The following DAGLA variants were observed in gnomAD, a reference collection of about 807,000 sequenced individuals.
The protein encoded by DAGLA is diacylglycerol lipase alpha, also known as diacylglycerol lipase-alpha.
A neutral mutation model predicts 102.6 loss-of-function variants in DAGLA; 22 were observed. The ratio of observed to expected loss-of-function variants is 0.21; its 90% confidence interval spans 0.15 to 0.31. The LOEUF is 0.31. DAGLA is among the 10% of genes least tolerant of loss of function. DAGLA has a pLI of 1.00. For missense variants in DAGLA, 927 were observed against 1,446.6 expected (o/e 0.64, Z 5.83); for synonymous variants, 578 against 628.9 (o/e 0.92, Z 1.21).
chr11:61,721,006 A>G, intron 3 of DAGLA, 116 bp downstream of exon 3: 1 of 971,944 alleles, frequency 1.0e-6, no homozygotes, highest in Non-Finnish European at 1.5e-6. Flanking sequence ...ACTGGGGTAC[A>G]GCAGTGAACT....
chr11:61,733,542 A>G (rs901062078), intron 9 of DAGLA, among the ~76,000 whole-genome samples: 2 of 152,248 alleles, frequency 1.3e-5, no homozygotes, highest in Admixed American at 6.5e-5. Context: ...ATCCCGTGAC[A>G]GCTGGCAGGC....
At chr11:61,680,605 G>T in intron 1 of DAGLA, 101 bp downstream of exon 1, 1 of 150,468 alleles carries the variant, frequency 6.6e-6, no homozygotes, top group South Asian at 1.8e-4. Flanking sequence ...TGGCCGGCCC[G>T]ACGGGTCGGC....
chr11:61,694,651 C>T lies in DAGLA; in HGVS notation c.-45+14147C>T, dbSNP rs141215306. 2.8e-3 allele frequency among the ~76,000 whole-genome samples: 425 copies of T among 152,324 alleles called. 3 individuals carry two copies. Among genetic ancestry groups the T allele is most frequent in the African/African-American group, 9.5e-3 (393 of 41,566 alleles). ...GGCTTTGTGTCTGATACCCCATTTC[C>T]GGCAGCCCTGAATCTGTGGCCCTTT... On this transcript the variant is annotated intron_variant, in intron 1 of 19. Transcript: ENST00000257215.
intron 1 of DAGLA, among the ~76,000 whole-genome samples, chr11:61,681,648 G>A (rs544635130): frequency 6.6e-6 from 1 of 152,180 alleles, no homozygotes; most frequent in South Asian, 2.1e-4. Flanking sequence ...GGATTGGATC[G>A]ATTGGGGTAT....
intron 1 of DAGLA, among the ~76,000 whole-genome samples, chr11:61,701,796 A>G (rs572567801): frequency 1.6e-4 from 25 of 152,110 alleles, no homozygotes; most frequent in African/African-American, 6.0e-4. Context: ...GTTTTTAGAG[A>G]CAGGGTTTTG....
At chr11:61,728,883 G>C (rs760241402) in intron 7 of DAGLA, 48 bp from the exon 8 acceptor site, 6 of 1,564,056 alleles carry the variant, frequency 3.8e-6, no homozygotes, top group Non-Finnish European at 5.3e-6. Context: ...CAGCCATGCA[G>C]CCGGGCCTGG....
chr11:61,687,931 T>A (rs1023477670), intron 1 of DAGLA, among the ~76,000 whole-genome samples: 1 of 152,126 alleles, frequency 6.6e-6, no homozygotes, highest in African/African-American at 2.4e-5. Flanking sequence ...CCTGTCTGTA[T>A]AATAGCAGCA....
chr11:61,704,832 T>G (rs545825809), intron 1 of DAGLA, among the ~76,000 whole-genome samples: 2 of 152,268 alleles, frequency 1.3e-5, no homozygotes, highest in Admixed American at 1.3e-4. Context: ...TGCGTAGTCC[T>G]ATTCATGGTC....
In DAGLA at chr11:61,745,306, C is replaced by T. The variant is rs914954394; in HGVS notation, c.*817C>T. 1.3e-5 allele frequency: 2 copies of T among 152,488 alleles called. No individual in the cohort carries two copies. Among genetic ancestry groups the T allele is most frequent in the Admixed American group, 6.5e-5 (1 of 15,284 alleles). The allele number at this position is 152,488 out of a possible 1,614,324, so 9.4% of individuals were successfully genotyped here. A position where few individuals can be genotyped will look rare whatever the true frequency, so the allele number is the denominator to read the frequency against. ...GGGTGGTGGGCACTGCTGTGACCAC[C>T]CCAGCTGCAGAGTCAGTGCCCTGGG... On this transcript the variant is annotated 3_prime_UTR_variant, in exon 20 of 20. Coordinates refer to ENST00000257215, the MANE Select transcript of DAGLA (RefSeq NM_006133.3).
chr11:61,722,791 G>T, intron 3 of DAGLA, 68 bp from the exon 4 acceptor site: 1 of 1,356,158 alleles, frequency 7.4e-7, no homozygotes, highest in Non-Finnish European at 1.1e-6. Context: ...AGGCCAGGCC[G>T]GGGTTCTAGG....
intron 5 of DAGLA, 83 bp downstream of exon 5, chr11:61,723,655 C>T (rs2065302855): frequency 6.5e-6 from 10 of 1,537,566 alleles, no homozygotes; most frequent in Non-Finnish European, 7.1e-6. Context: ...AGAAGGCTAC[C>T]CCAGGCCTCC....
intron 1 of DAGLA, among the ~76,000 whole-genome samples, chr11:61,701,390 C>T (rs2065109317): frequency 6.6e-6 from 1 of 152,338 alleles, no homozygotes; most frequent in Admixed American, 6.5e-5. Context: ...TGCTGCCCGC[C>T]TCTCCCTCTG....
chr11:61,728,778 G>A (rs2135591606), intron 7 of DAGLA, among the ~76,000 whole-genome samples, 153 bp from the exon 8 acceptor site: 1 of 152,366 alleles, frequency 6.6e-6, no homozygotes, highest in South Asian at 2.1e-4. Context: ...TTTTGGAAAA[G>A]TGGCTGAATC....
At chr11:61,720,400 C>A in intron 2 of DAGLA, 150 bp downstream of exon 2, 2 of 775,442 alleles carry the variant, frequency 2.6e-6, no homozygotes, top group South Asian at 1.7e-5. Context: ...AAACATCTAG[C>A]CCCTTAGGGC....
chr11:61,688,449 G>A (rs1269882637), intron 1 of DAGLA, among the ~76,000 whole-genome samples: 2 of 152,110 alleles, frequency 1.3e-5, no homozygotes, highest in African/African-American at 4.8e-5. Flanking sequence ...AGCCACCCCA[G>A]CCCGGCAGAT....
At chr11:61,732,849 C>G (rs918240033) in intron 9 of DAGLA, among the ~76,000 whole-genome samples, 1 of 152,190 alleles carries the variant, frequency 6.6e-6, no homozygotes, top group African/African-American at 2.4e-5. Context: ...GGGCCCAGGC[C>G]TCTCCCCTGG....
At chr11:61,703,499 G>A (rs549758660) in intron 1 of DAGLA, among the ~76,000 whole-genome samples, 4 of 152,320 alleles carry the variant, frequency 2.6e-5, no homozygotes, top group Admixed American at 1.3e-4. Context: ...AAAGGCGTTC[G>A]GCACGCCTGG....
intron 1 of DAGLA, among the ~76,000 whole-genome samples, chr11:61,707,079 C>T (rs2065156445): frequency 6.6e-6 from 1 of 152,252 alleles, no homozygotes; most frequent in Admixed American, 6.5e-5. Flanking sequence ...AGGGCACCAG[C>T]CCCTGGTTGA....
chr11:61,705,166 T>C (rs1473307791), intron 1 of DAGLA, among the ~76,000 whole-genome samples: 1 of 152,220 alleles, frequency 6.6e-6, no homozygotes, highest in Non-Finnish European at 1.5e-5. Flanking sequence ...TGGGATCCAG[T>C]GCCCCCTCTG....
Sources: allele counts gnomAD v4.1 joint callset (sites outside exome capture counted in the v4.1 genomes callset), GRCh38; gene constraint gnomAD v4.1.1; transcripts MANE v1.5; gene names NCBI Gene and HGNC (gene_info 2026-07-23, HGNC 2026-07-21).